The following PAX5 variants were observed in gnomAD, a reference collection of about 807,000 sequenced individuals.
PAX5 encodes paired box protein Pax-5.
PAX5 carries 9 observed loss-of-function variants against 43.7 expected under a neutral mutation model. The ratio of observed to expected loss-of-function variants is 0.21; its 90% CI spans 0.12 to 0.36. The LOEUF is 0.36. Among genes scored for constraint, PAX5 ranks in the 10% least tolerant of loss-of-function variants. PAX5 has a pLI of 1.00. For missense variants in PAX5, 383 were observed against 532.7 expected (o/e 0.72, Z 2.77); for synonymous variants, 228 against 214.3 (o/e 1.06, Z -0.56).
chr9:36,936,567 G>A (rs1250104547), intron 6 of PAX5, among the ~76,000 whole-genome samples: 1 of 152,168 alleles, frequency 6.6e-6, no homozygotes, highest in Non-Finnish European at 1.5e-5. Flanking sequence ...CCAAAGGGAG[G>A]ATCCCCATCC....
chr9:36,983,013 C>G (rs1836072536), intron 5 of PAX5, among the ~76,000 whole-genome samples: 2 of 152,062 alleles, frequency 1.3e-5, no homozygotes, highest in South Asian at 4.2e-4. Flanking sequence ...GGGATGCTAC[C>G]CAGCACAGTT....
intron 1 of PAX5, among the ~76,000 whole-genome samples, 195 bp downstream of exon 1, chr9:37,033,791 C>A (rs535665556): frequency 6.6e-6 from 1 of 152,318 alleles, no homozygotes; most frequent in South Asian, 2.1e-4. Context: ...AAAACACAGA[C>A]AAACTCACAG....
At chr9:36,939,550 C>T (rs1831859830) in intron 6 of PAX5, among the ~76,000 whole-genome samples, 2 of 152,218 alleles carry the variant, frequency 1.3e-5, no homozygotes, top group East Asian at 1.9e-4. Context: ...TAAATAGCTG[C>T]ATTTCCATTC....
rs944670537 is a variant in PAX5 at position 36,840,069 on chromosome 9, A to G, written c.*491T>C. 1 of 273,400 alleles carries G rather than the reference A, an allele frequency of 3.7e-6. No individual in the cohort carries two copies. The highest frequency in any genetic ancestry group is 7.0e-6 in the Non-Finnish European group (1 of 142,138). The allele number at this position is 273,400 out of a possible 1,614,324, so 16.9% of individuals were successfully genotyped here. Reference sequence around the variant, plus strand: ...CAGGGCAGAGAGGATGCTCTGCCATAGGTCTAAGATGTCCGGTGATGCACC... The same window carrying G: ...CAGGGCAGAGAGGATGCTCTGCCATGGGTCTAAGATGTCCGGTGATGCACC... On this transcript the variant is annotated 3_prime_UTR_variant, in exon 10 of 10. Transcript: ENST00000358127.
chr9:37,026,582 G>C (rs955433746), intron 1 of PAX5: 111 of 1,345,476 alleles, frequency 8.2e-5, no homozygotes, highest in Non-Finnish European at 1.1e-4. Context: ...CCATCGGGGC[G>C]CTCCAGACTG....
At chr9:36,992,195 G>A (rs2132333180) in intron 5 of PAX5, among the ~76,000 whole-genome samples, 1 of 149,992 alleles carries the variant, frequency 6.7e-6, no homozygotes, top group African/African-American at 2.5e-5. Context: ...AGCCCCTGTG[G>A]AATCAGAACA....
chr9:36,899,336 AC>A (rs1285428217), intron 7 of PAX5, among the ~76,000 whole-genome samples: 1 of 152,216 alleles, frequency 6.6e-6, no homozygotes. Flanking sequence ...AGTAGAAGAC[AC>A]TAGACCTAAC....
chr9:36,982,536 TAGAGAC>T (rs1233238710), intron 5 of PAX5, among the ~76,000 whole-genome samples: 1 of 152,144 alleles, frequency 6.6e-6, no homozygotes, highest in South Asian at 2.1e-4. Flanking sequence ...AATGAAAGTC[TAGAGAC>T]AGAAAGAACC....
intron 5 of PAX5, among the ~76,000 whole-genome samples, chr9:36,987,611 A>G (rs1836542708): frequency 6.6e-6 from 1 of 152,216 alleles, no homozygotes; most frequent in Non-Finnish European, 1.5e-5. Flanking sequence ...GCCTTGAACG[A>G]GATGGCTCAG....
intron 3 of PAX5, among the ~76,000 whole-genome samples, chr9:37,013,881 C>T (rs374018098): frequency 6.6e-6 from 1 of 152,192 alleles, no homozygotes; most frequent in Non-Finnish European, 1.5e-5. Context: ...ACTCCCACAG[C>T]GATCTGTGCA....
intron 8 of PAX5, among the ~76,000 whole-genome samples, chr9:36,850,837 G>A (rs1164210825): frequency 2.0e-5 from 3 of 152,168 alleles, no homozygotes; most frequent in South Asian, 2.1e-4. Flanking sequence ...AACAAAACAC[G>A]TGCCTCCAAC....
chr9:36,937,737 G>A (rs1197241487), intron 6 of PAX5, among the ~76,000 whole-genome samples: 3 of 152,172 alleles, frequency 2.0e-5, no homozygotes, highest in African/African-American at 7.2e-5. Context: ...TATAGAAAAG[G>A]TTTCCAGATA....
intron 7 of PAX5, among the ~76,000 whole-genome samples, chr9:36,884,616 T>C (rs938650485): frequency 2.4e-4 from 37 of 152,212 alleles, no homozygotes; most frequent in African/African-American, 8.9e-4. Flanking sequence ...CACTGAAAAT[T>C]GTTCTGAAAG....
intron 6 of PAX5, among the ~76,000 whole-genome samples, chr9:36,951,478 T>A (rs1013694944): frequency 6.6e-6 from 1 of 152,232 alleles, no homozygotes; most frequent in Non-Finnish European, 1.5e-5. Context: ...ATCCTCTTTG[T>A]CTTTGAGCAT....
chr9:36,930,963 G>T, intron 6 of PAX5: 1 of 675,892 alleles, frequency 1.5e-6, no homozygotes, highest in Non-Finnish European at 2.4e-6. Context: ...GCATGGAGGA[G>T]AAAAGAAACA....
At chr9:36,975,386 CT>C (rs371922622) in intron 5 of PAX5, among the ~76,000 whole-genome samples, 88 of 146,966 alleles carry the variant, frequency 6.0e-4, no homozygotes, top group African/African-American at 2.1e-3. Flanking sequence ...TGAGCAATTT[CT>C]TTTTTTTTTG....
chr9:36,855,581 C>T (rs565159086), intron 8 of PAX5, among the ~76,000 whole-genome samples: 2 of 152,196 alleles, frequency 1.3e-5, no homozygotes, highest in Non-Finnish European at 2.9e-5. Context: ...GGGGGTACTG[C>T]AGTGCCCTGT....
intron 8 of PAX5, among the ~76,000 whole-genome samples, chr9:36,874,139 C>T (rs867181445): frequency 6.6e-5 from 10 of 152,230 alleles, no homozygotes. Flanking sequence ...CCCTTCCTAT[C>T]TCACACAGGC....
intron 7 of PAX5, among the ~76,000 whole-genome samples, chr9:36,889,202 C>A (rs1408586714): frequency 3.3e-5 from 5 of 152,212 alleles, no homozygotes; most frequent in Admixed American, 6.5e-5. Flanking sequence ...AAGCCAGGCC[C>A]TGGCCAGGCA....
Sources: allele counts gnomAD v4.1 joint callset (sites outside exome capture counted in the v4.1 genomes callset), GRCh38; gene constraint gnomAD v4.1.1; transcripts MANE v1.5; gene names NCBI Gene and HGNC (gene_info 2026-07-23, HGNC 2026-07-21).